DLGAP1: variants seen among roughly 807,000 people sequenced by gnomAD.
DLGAP1 encodes the protein DLG associated protein 1, also known as disks large-associated protein 1.
A neutral mutation model predicts 90.8 loss-of-function variants in DLGAP1; 11 were observed. The ratio of observed to expected loss-of-function variants is 0.12; its 90% CI spans 0.08 to 0.20. The LOEUF is 0.20. Among genes scored for constraint, DLGAP1 ranks in the 10% least tolerant of loss-of-function variants. The probability of loss-of-function intolerance (pLI) is 1.00; values close to 1 mark genes in which losing one functional copy is unlikely to be tolerated. For missense variants in DLGAP1, 1,050 were observed against 1,333.8 expected (o/e 0.79, Z 3.31); for synonymous variants, 558 against 540.7 (o/e 1.03, Z -0.44).
intron 1 of DLGAP1, among the ~76,000 whole-genome samples, chr18:4,212,630 C>CAA (rs3041113): frequency 0.44 from 53,920 of 121,410 alleles, 12,613 homozygotes; most frequent in East Asian, 0.67. Flanking sequence ...GACTCCATCT[C>CAA]AAAAAAAAAA....
At chr18:4,254,701 A>G (rs1475001271) in intron 1 of DLGAP1, among the ~76,000 whole-genome samples, 2 of 152,172 alleles carry the variant, frequency 1.3e-5, no homozygotes, top group African/African-American at 4.8e-5. Context: ...GAAAATTGGA[A>G]AGAGACTAAA....
chr18:3,580,396 G>T, intron 8 of DLGAP1: 4 of 1,613,834 alleles, frequency 2.5e-6, no homozygotes, highest in Middle Eastern at 1.7e-4. Flanking sequence ...CTAAGCACCA[G>T]GTGGACAGCT....
chr18:4,012,830 C>T lies in DLGAP1; in HGVS notation c.-158-7629G>A, dbSNP rs888851352. On this transcript the variant is annotated intron_variant, in intron 2 of 12. Coordinates refer to ENST00000315677, the MANE Select transcript of DLGAP1 (RefSeq NM_004746.4). ...CCTCCTGCCTCAGCCACCTGAGTAG[C>T]TGGGACCACAGGCATGCGCCACCAT... Among the ~76,000 whole-genome samples the T allele has an allele frequency of 2.6e-5, 4 of 151,876 alleles. 1 individual carries two copies. Among genetic ancestry groups the T allele is most frequent in the Admixed American group, 2.6e-4 (4 of 15,258 alleles).
chr18:3,638,614 C>T (rs955705403), intron 7 of DLGAP1, among the ~76,000 whole-genome samples: 3 of 152,174 alleles, frequency 2.0e-5, no homozygotes, highest in African/African-American at 7.2e-5. Context: ...TAATGTATAT[C>T]TTACTGCCTT....
At chr18:3,949,950 C>T (rs1481392063) in intron 3 of DLGAP1, among the ~76,000 whole-genome samples, 1 of 152,168 alleles carries the variant, frequency 6.6e-6, no homozygotes, top group Non-Finnish European at 1.5e-5. Context: ...TCCCAAAACA[C>T]AGATGGTAGG....
At chr18:3,676,640 C>T (rs1044769042) in intron 7 of DLGAP1, among the ~76,000 whole-genome samples, 2 of 151,926 alleles carry the variant, frequency 1.3e-5, no homozygotes, top group African/African-American at 2.4e-5. Context: ...AGGATTTTTC[C>T]TTGGTAATAC....
At chr18:3,867,005 C>T (rs543843748) in intron 4 of DLGAP1, among the ~76,000 whole-genome samples, 4 of 152,240 alleles carry the variant, frequency 2.6e-5, no homozygotes, top group African/African-American at 7.2e-5. Flanking sequence ...GCACATGCCA[C>T]CACACCCGGC....
At chr18:4,259,595 T>C (rs2078964709) in intron 1 of DLGAP1, among the ~76,000 whole-genome samples, 1 of 152,178 alleles carries the variant, frequency 6.6e-6, no homozygotes, top group Non-Finnish European at 1.5e-5. Flanking sequence ...GGCAATGTGA[T>C]CTCTAGAGAT....
chr18:4,020,758 C>T (rs2074595496), intron 2 of DLGAP1, among the ~76,000 whole-genome samples: 1 of 152,162 alleles, frequency 6.6e-6, no homozygotes, highest in Non-Finnish European at 1.5e-5. Flanking sequence ...ACCAGTCGGC[C>T]TTTGTAGGAC....
intron 7 of DLGAP1, among the ~76,000 whole-genome samples, chr18:3,588,810 A>G (rs911659257): frequency 6.6e-6 from 1 of 151,312 alleles, no homozygotes; most frequent in East Asian, 2.0e-4. Flanking sequence ...AGAAAGAAAG[A>G]CATTATAGAG....
intron 1 of DLGAP1, among the ~76,000 whole-genome samples, chr18:4,281,145 T>C (rs1221671973): frequency 6.6e-6 from 1 of 152,228 alleles, no homozygotes; most frequent in East Asian, 1.9e-4. Flanking sequence ...AACATTTATA[T>C]GTATTTTACG....
At position 4,075,994 on chromosome 18, in the gene DLGAP1, C is replaced by T. The variant is rs140191072; in HGVS notation, c.-158-70793G>A. 5.9e-5 allele frequency among the ~76,000 whole-genome samples: 9 copies of T among 152,208 alleles called. No homozygotes were observed. In the East Asian group the frequency reaches 1.5e-3, roughly 26 times the overall value. On this transcript the variant is annotated intron_variant, in intron 2 of 12. Coordinates refer to ENST00000315677, the MANE Select transcript of DLGAP1 (RefSeq NM_004746.4). ...GGCTCTTTTGCAGTTAACTCTTGGT[C>T]GCTCTCCCTCTCCCTCTCCCTTTCT... is the stretch of plus-strand genomic sequence containing the variant.
intron 3 of DLGAP1, among the ~76,000 whole-genome samples, chr18:3,967,325 C>T (rs959749653): frequency 7.9e-5 from 12 of 152,256 alleles, no homozygotes; most frequent in Admixed American, 7.2e-4. Flanking sequence ...AACTGATGAG[C>T]TCACAGTGAC....
At chr18:3,831,213 C>A (rs1354776702) in intron 4 of DLGAP1, among the ~76,000 whole-genome samples, 1 of 152,164 alleles carries the variant, frequency 6.6e-6, no homozygotes, top group Non-Finnish European at 1.5e-5. Context: ...CCAGCAGGGT[C>A]AACTGAACTC....
At chr18:3,545,268 C>G (rs968634937) in intron 9 of DLGAP1, among the ~76,000 whole-genome samples, 11 of 151,136 alleles carry the variant, frequency 7.3e-5, no homozygotes, top group African/African-American at 2.7e-4. Flanking sequence ...AGCAAAACCC[C>G]GTCTCCAAAA....
chr18:3,599,094 A>G (rs911971588), intron 7 of DLGAP1, among the ~76,000 whole-genome samples: 1 of 152,160 alleles, frequency 6.6e-6, no homozygotes, highest in Non-Finnish European at 1.5e-5. Context: ...TTAAAATACT[A>G]CCTTTCTGTT....
At chr18:3,854,815 A>G (rs1397884948) in intron 4 of DLGAP1, among the ~76,000 whole-genome samples, 1 of 152,224 alleles carries the variant, frequency 6.6e-6, no homozygotes, top group East Asian at 1.9e-4. Flanking sequence ...CATGATTACC[A>G]GACAAGCTGG....
chr18:3,879,126 A>G lies in DLGAP1; in HGVS notation c.943T>C (p.Cys315Arg), dbSNP rs1225573989. Residue 315 changes from cysteine to arginine, a missense_variant, in exon 4 of 13, where the codon TGC becomes CGC. By Grantham distance (180) the Cys-to-Arg change is radical (BLOSUM62 -3). Coordinates refer to ENST00000315677, the MANE Select transcript of DLGAP1 (RefSeq NM_004746.4). The surrounding 1 kb of genome is among the most constrained non-coding windows in gnomAD (Gnocchi z 6.6). ...AGAAATGGTACCTGCAGGTACTGGC[A>G]GGAGCGTTCTTGCTGACACGACTCG... ...KSESCQQERSCQYLQVPQDEW... is the reference protein window; with the variant it reads ...KSESCQQERSRQYLQVPQDEW... The G allele has an allele frequency of 6.6e-7, 1 of 1,504,154 alleles. No homozygotes were observed. The highest frequency in any genetic ancestry group is 2.3e-5 in the Admixed American group (1 of 42,950). The allele number at this position is 1,504,154 out of a possible 1,614,324, so 93.2% of individuals were successfully genotyped here.
chr18:4,102,482 A>T (rs1197729017), intron 2 of DLGAP1, among the ~76,000 whole-genome samples: 1 of 152,216 alleles, frequency 6.6e-6, no homozygotes, highest in Non-Finnish European at 1.5e-5. Context: ...GATGTAAAGG[A>T]AAAAGCCCTT....
Sources: allele counts gnomAD v4.1 joint callset (sites outside exome capture counted in the v4.1 genomes callset), GRCh38; gene constraint gnomAD v4.1.1; non-coding constraint Gnocchi (gnomAD v3.1); transcripts MANE v1.5; gene names NCBI Gene and HGNC (gene_info 2026-07-23, HGNC 2026-07-21).